Variants in ANGPT2 observed in about 807,000 individuals in gnomAD.
ANGPT2 encodes the protein angiopoietin 2.
In ANGPT2, 28 loss-of-function variants were observed where a neutral mutation model predicts 62.9. The observed-to-expected ratio is 0.44, with a 90% CI of 0.33 to 0.61. The LOEUF (loss-of-function observed/expected upper bound fraction) is 0.61. Ranked by LOEUF, ANGPT2 falls within the 20% of genes least tolerant of loss-of-function variation. The probability of loss-of-function intolerance (pLI) is 0.03; values close to 1 mark genes in which losing one functional copy is unlikely to be tolerated. For missense variants in ANGPT2, 727 were observed against 594.9 expected, an observed-to-expected ratio of 1.22 and a Z score of -2.31; for synonymous variants, 284 against 207.8, an observed-to-expected ratio of 1.37 and a Z score of -3.15.
chr8:6,519,155 C>T (rs944225468), intron 5 of ANGPT2, among the ~76,000 whole-genome samples: 4 of 152,242 alleles, frequency 2.6e-5, no homozygotes, highest in Non-Finnish European at 4.4e-5. Context: ...TTCCAGACTG[C>T]GTTAGATGAG....
At chr8:6,549,572 C>A (rs778008912) in intron 1 of ANGPT2, among the ~76,000 whole-genome samples, 1 of 151,820 alleles carries the variant, frequency 6.6e-6, no homozygotes, top group Non-Finnish European at 1.5e-5. Flanking sequence ...GAGGGAGCCG[C>A]GTGCAGGGCG....
chr8:6,540,523 G>A (rs1821349305), intron 1 of ANGPT2, among the ~76,000 whole-genome samples: 1 of 152,222 alleles, frequency 6.6e-6, no homozygotes, highest in Admixed American at 6.5e-5. Context: ...CTCATGGCAC[G>A]TTATGCATAC....
At chr8:6,530,567 C>CTAA (rs3045059) in intron 2 of ANGPT2, among the ~76,000 whole-genome samples, 100,046 of 148,248 alleles carry the variant, frequency 0.67, 34,233 homozygotes, top group Non-Finnish European at 0.72. Context: ...TTGGTCCAAC[C>CTAA]TAATAATTCG....
chr8:6,520,111 G>T (rs1029874891), intron 4 of ANGPT2, 120 bp from the exon 5 acceptor site: 2 of 1,137,314 alleles, frequency 1.8e-6, no homozygotes, highest in Non-Finnish European at 1.2e-6. Context: ...TAAGCAAAAG[G>T]CTGTACCACT....
chr8:6,550,585 G>T (rs992715386), intron 1 of ANGPT2, among the ~76,000 whole-genome samples: 2 of 152,218 alleles, frequency 1.3e-5, no homozygotes, highest in African/African-American at 4.8e-5. Context: ...TGGTGTGACA[G>T]CTGTGGGCTG....
chr8:6,554,999 TC>T (rs1264334866), intron 1 of ANGPT2, among the ~76,000 whole-genome samples: 1 of 152,106 alleles, frequency 6.6e-6, no homozygotes, highest in Non-Finnish European at 1.5e-5. Flanking sequence ...TGACCTAGAG[TC>T]CAGGCAGTGG....
intron 4 of ANGPT2, among the ~76,000 whole-genome samples, chr8:6,520,519 C>T (rs529851198): frequency 1.3e-3 from 201 of 152,234 alleles, no homozygotes; most frequent in African/African-American, 4.6e-3. Flanking sequence ...CCTCAGCCTC[C>T]CAAGCAGCTG....
intron 1 of ANGPT2, among the ~76,000 whole-genome samples, chr8:6,538,938 T>C (rs1821001137): frequency 6.6e-6 from 1 of 152,222 alleles, no homozygotes; most frequent in African/African-American, 2.4e-5. Flanking sequence ...CTTGGTTCCC[T>C]GTCATGAGGA....
intron 7 of ANGPT2, among the ~76,000 whole-genome samples, chr8:6,511,852 G>A (rs138651165): frequency 6.7e-6 from 1 of 149,422 alleles, no homozygotes; most frequent in East Asian, 2.0e-4. Flanking sequence ...GACCCATTTT[G>A]TAAAAATCTT....
chr8:6,556,311 C>G (rs1480565288), intron 1 of ANGPT2, among the ~76,000 whole-genome samples: 2 of 151,986 alleles, frequency 1.3e-5, no homozygotes. Flanking sequence ...TACTTTTTGT[C>G]ATTCTTTGTA....
At chr8:6,505,301 ATGTATATAAC>A (rs1813203716) in intron 8 of ANGPT2, among the ~76,000 whole-genome samples, 3 of 80,430 alleles carry the variant, frequency 3.7e-5, no homozygotes, top group African/African-American at 2.5e-4. Flanking sequence ...ATACATATAT[ATGTATATAAC>A]ATATATATGT....
At chr8:6,528,773 A>C (rs1250041666) in intron 2 of ANGPT2, among the ~76,000 whole-genome samples, 1 of 152,244 alleles carries the variant, frequency 6.6e-6, no homozygotes. Flanking sequence ...GGAGACCTTG[A>C]AAGAATCATT....
At chr8:6,519,088 G>A (rs980283501) in intron 5 of ANGPT2, among the ~76,000 whole-genome samples, 4 of 152,164 alleles carry the variant, frequency 2.6e-5, no homozygotes, top group African/African-American at 7.2e-5. Flanking sequence ...ATGCCTTGAA[G>A]TGAACTCCGC....
At chr8:6,520,087 T>C in intron 4 of ANGPT2, 96 bp from the exon 5 acceptor site, 1 of 1,436,276 alleles carries the variant, frequency 7.0e-7, no homozygotes, top group Middle Eastern at 1.9e-4. Context: ...TTTTATTACT[T>C]TGGAATTCTT....
chr8:6,515,422 G>T (rs1816059723), intron 5 of ANGPT2, among the ~76,000 whole-genome samples: 1 of 152,134 alleles, frequency 6.6e-6, no homozygotes, highest in Non-Finnish European at 1.5e-5. Context: ...TAGCACCTTG[G>T]CCTCAAGGGC....
intron 7 of ANGPT2, among the ~76,000 whole-genome samples, chr8:6,511,653 C>G (rs963599017): frequency 6.6e-6 from 1 of 152,150 alleles, no homozygotes; most frequent in Non-Finnish European, 1.5e-5. Context: ...ATGCTAGCAT[C>G]ATGTTTTATT....
chr8:6,538,912 C>T (rs1001764592), intron 1 of ANGPT2, among the ~76,000 whole-genome samples: 4 of 152,172 alleles, frequency 2.6e-5, no homozygotes, highest in Non-Finnish European at 5.9e-5. Context: ...ATTTGGGAGG[C>T]TTTTGACCTA....
chr8:6,538,653 C>A (rs1184728828), intron 1 of ANGPT2, among the ~76,000 whole-genome samples: 1 of 152,228 alleles, frequency 6.6e-6, no homozygotes, highest in Non-Finnish European at 1.5e-5. Flanking sequence ...TCCCCCATTG[C>A]ATGCCCTAAG....
chr8:6,532,862 A>G (rs1819790554), intron 1 of ANGPT2, among the ~76,000 whole-genome samples: 1 of 152,236 alleles, frequency 6.6e-6, no homozygotes, highest in South Asian at 2.1e-4. Context: ...AACTCTGACC[A>G]TGCAGTCAGG....
Sources: allele counts gnomAD v4.1 joint callset (sites outside exome capture counted in the v4.1 genomes callset), GRCh38; gene constraint gnomAD v4.1.1; transcripts MANE v1.5; gene names NCBI Gene and HGNC (gene_info 2026-07-23, HGNC 2026-07-21).